The following EBF4 variants were observed in gnomAD, a reference collection of about 807,000 sequenced individuals.
EBF4 encodes the protein EBF transcription factor 4.
A neutral mutation model predicts 67.1 loss-of-function variants in EBF4; 34 were observed. The observed-to-expected ratio is 0.51, with a 90% CI of 0.39 to 0.67. The LOEUF (loss-of-function observed/expected upper bound fraction) is 0.67. EBF4 is among the 30% of genes least tolerant of loss of function. The pLI, the probability that EBF4 is intolerant of heterozygous loss-of-function variation, is 0.00. For synonymous variants in EBF4, 387 were observed against 377.7 expected (o/e 1.02, Z -0.29); for missense variants, 837 against 873.3 (o/e 0.96, Z 0.52).
In EBF4 at chr20:2,755,883, G is replaced by A; in HGVS notation, c.1738+59G>A. ...AGGAAGGGCCCTTGTGGAGCAGCTG[G>A]GCTACAGGGGCCTGCTCTGTCCACA... On this transcript the variant is annotated intron_variant, in intron 15 of 16. Coordinates refer to ENST00000609451, the Ensembl canonical transcript of EBF4. This position sits in a 1 kb window ranked among gnomAD's most constrained non-coding sequence, Gnocchi z 4.7. 1 of 1,468,180 alleles carries A rather than the reference G, an allele frequency of 6.8e-7. No individual in the cohort carries two copies. Among genetic ancestry groups the A allele is most frequent in the Non-Finnish European group, 9.2e-7 (1 of 1,092,116 alleles). 90.9% of individuals were successfully genotyped at this position (1,468,180 alleles called of 1,614,324 possible).
At chr20:2,749,964 G>A (rs2088116365) in exon 10 of EBF4, 1 of 1,550,456 alleles carries the variant, frequency 6.4e-7, no homozygotes, top group Admixed American at 2.0e-5. Flanking sequence ...CGGCCGCTTT[G>A]TCTACACAGG....
chr20:2,710,300 C>T (rs1369194863), intron 6 of EBF4, among the ~76,000 whole-genome samples: 1 of 152,032 alleles, frequency 6.6e-6, no homozygotes, highest in Non-Finnish European at 1.5e-5. Context: ...AAGGACACGC[C>T]TCCACACCTG....
At position 2,693,969 on chromosome 20, in the gene EBF4, CG is replaced by C. The variant is rs1406151978; in HGVS notation, c.137+191del. The stretch of plus-strand genomic sequence containing the variant: ...CCTGAGGCTGTGGGGCGGGCTGGGG[CG>C]GGGCTTCTGCCTCCACTCCGGGCTG... On this transcript the variant is annotated intron_variant, in intron 1 of 16. Transcript: ENST00000609451. The surrounding 1 kb of genome is among the most constrained non-coding windows in gnomAD (Gnocchi z 4.6). 6.6e-6 allele frequency among the ~76,000 whole-genome samples: 1 copy of C among 152,178 alleles called. No individual in the cohort carries two copies. The highest frequency in any genetic ancestry group is 1.5e-5 in the Non-Finnish European group (1 of 68,018).
chr20:2,696,454 A>G lies in EBF4; in HGVS notation c.137+2672A>G, dbSNP rs2146358808. Among the ~76,000 whole-genome samples the G allele has an allele frequency of 6.6e-6, 1 of 152,320 alleles. No homozygotes were observed. Among genetic ancestry groups the G allele is most frequent in the East Asian group, 1.9e-4 (1 of 5,190 alleles). On this transcript the variant is annotated intron_variant, in intron 1 of 16. Coordinates refer to ENST00000609451, the Ensembl canonical transcript of EBF4. The surrounding 1 kb of genome is among the most constrained non-coding windows in gnomAD (Gnocchi z 4.7). ...ACCACTGTACTCCAGCCTGGGCGGC[A>G]GAGTGAAACTGTGCCTCAAAAATAA... is the stretch of plus-strand genomic sequence containing the variant.
chr20:2,699,767 G>A (rs1023362648), intron 1 of EBF4, among the ~76,000 whole-genome samples: 4 of 152,202 alleles, frequency 2.6e-5, no homozygotes, highest in African/African-American at 9.6e-5. Flanking sequence ...AATTATGGGT[G>A]CCAGCAGTAC....
chr20:2,738,348 C>A (rs2146467082), intron 6 of EBF4, among the ~76,000 whole-genome samples: 1 of 152,308 alleles, frequency 6.6e-6, no homozygotes, highest in African/African-American at 2.4e-5. Context: ...CCTTCCAGCT[C>A]TGTGGCTTCT....
chr20:2,751,857 C>T lies in EBF4; in HGVS notation c.1108-65C>T, dbSNP rs2088151912. On this transcript the variant is annotated intron_variant, in intron 11 of 16. Coordinates refer to ENST00000609451, the Ensembl canonical transcript of EBF4. The surrounding 1 kb of genome is among the most constrained non-coding windows in gnomAD (Gnocchi z 5.2). Reference sequence around the variant, plus strand: ...GGGCAAGGGGGTGAGGAGGGGCTCCCGAGGGCCCCTTGGTCGCCCCCAGGG... The same window carrying T: ...GGGCAAGGGGGTGAGGAGGGGCTCCTGAGGGCCCCTTGGTCGCCCCCAGGG... The T allele has an allele frequency of 1.5e-5, 23 of 1,537,884 alleles. No individual in the cohort carries two copies. The highest frequency in any genetic ancestry group is 2.0e-5 in the Non-Finnish European group (23 of 1,137,128).
At chr20:2,744,492 C>CTTTTTTTTTTTTT (rs35298353) in intron 6 of EBF4, among the ~76,000 whole-genome samples, 12 of 115,890 alleles carry the variant, frequency 1.0e-4, no homozygotes, top group East Asian at 2.4e-4. Context: ...TTTTTCTTTT[C>CTTTTTTTTTTTTT]TTTTTTTTTT....
chr20:2,747,095 C>A lies in EBF4; in HGVS notation c.558-1454C>A, dbSNP rs1018550511. Among the ~76,000 whole-genome samples, 1 of 152,140 alleles carries A rather than the reference C, an allele frequency of 6.6e-6. No individual in the cohort carries two copies. Among genetic ancestry groups the A allele is most frequent in the Admixed American group, 6.5e-5 (1 of 15,276 alleles). On this transcript the variant is annotated intron_variant, in intron 6 of 16. Transcript: ENST00000609451. The surrounding 1 kb of genome is among the most constrained non-coding windows in gnomAD (Gnocchi z 4.6). Reference sequence around the variant, plus strand: ...ATCACCTGAGGTCAGGAATCGAGACCAGCCTGGCCAACATGGCAAAACACC... The same window carrying A: ...ATCACCTGAGGTCAGGAATCGAGACAAGCCTGGCCAACATGGCAAAACACC...
chr20:2,719,336 G>A (rs1448338576), intron 6 of EBF4, among the ~76,000 whole-genome samples: 6 of 152,162 alleles, frequency 3.9e-5, no homozygotes, highest in South Asian at 4.1e-4. Flanking sequence ...GTGCAGTGGC[G>A]CAATCTCGGC....
intron 6 of EBF4, among the ~76,000 whole-genome samples, chr20:2,735,108 G>A (rs964664123): frequency 2.0e-5 from 3 of 152,130 alleles, no homozygotes; most frequent in African/African-American, 7.2e-5. Context: ...TTAAGCAATT[G>A]CCGCTGGCTG....
intron 6 of EBF4, among the ~76,000 whole-genome samples, chr20:2,743,949 T>C (rs1297593725): frequency 6.6e-6 from 1 of 152,218 alleles, no homozygotes; most frequent in Non-Finnish European, 1.5e-5. Context: ...ATCAAGTTTA[T>C]TCCTTCTATC....
Position 2,749,840 on chromosome 20 carries a change from CT to C in EBF4, c.892-6del. The C allele has an allele frequency of 6.5e-7, 1 of 1,548,250 alleles. No individual in the cohort carries two copies. Among genetic ancestry groups the C allele is most frequent in the Non-Finnish European group, 8.7e-7 (1 of 1,145,184 alleles). On this transcript the variant is annotated splice_region_variant and splice_polypyrimidine_tract_variant and intron_variant, in intron 9 of 16. Transcript: ENST00000609451. Reference sequence around the variant, plus strand: ...GGGACCTGCAGGCCTCCCCTCTCCCCTCGCAGCTCATCACGCCCCACGCCAT... The same window carrying C: ...GGGACCTGCAGGCCTCCCCTCTCCCCCGCAGCTCATCACGCCCCACGCCAT...
Position 2,705,984 on chromosome 20 carries a change from C to T in EBF4, c.305C>T (p.Ala102Val), listed in dbSNP as rs760026059. The T allele has an allele frequency of 1.4e-5, 22 of 1,551,226 alleles. No homozygotes were observed. The highest frequency in any genetic ancestry group is 6.0e-5 in the South Asian group (5 of 84,002). Residue 102 changes from alanine (A) to valine (V), a missense_variant, in exon 3 of 17, where the codon GCG becomes GTG. Ala to Val is a moderately conservative substitution (Grantham distance 64). Transcript: ENST00000609451. ...ATCTTGTCCCTGCAGGAGCCCGGGG[C>T]GGAAAAGACTAACAATGGGATCCAT...
In EBF4 at chr20:2,747,435, G is replaced by A. The variant is rs2088068188; in HGVS notation, c.558-1114G>A. ...TCCCAGCCAACTGCCAGGAAGGAGA[G>A]GAGGACAAAGTGCTCATGTGTTTGT... On this transcript the variant is annotated intron_variant, in intron 6 of 16. Transcript: ENST00000609451. This position sits in a 1 kb window ranked among gnomAD's most constrained non-coding sequence, Gnocchi z 4.6. Among the ~76,000 whole-genome samples the A allele has an allele frequency of 6.6e-6, 1 of 152,136 alleles. No homozygotes were observed. Among genetic ancestry groups the A allele is most frequent in the Admixed American group, 6.5e-5 (1 of 15,282 alleles).
Position 2,745,392 on chromosome 20 carries a change from A to T in EBF4, c.558-3157A>T, listed in dbSNP as rs1030188801. 6.6e-6 allele frequency among the ~76,000 whole-genome samples: 1 copy of T among 152,202 alleles called. No homozygotes were observed. The highest frequency in any genetic ancestry group is 6.5e-5 in the Admixed American group (1 of 15,286). ...TGACCCTCAGCCCCCACTGCAGGCC[A>T]TGGTCTTGTGCAGCTGCTTTTACTC... On this transcript the variant is annotated intron_variant, in intron 6 of 16. Coordinates refer to ENST00000609451, the Ensembl canonical transcript of EBF4. The surrounding 1 kb of genome is among the most constrained non-coding windows in gnomAD (Gnocchi z 5.2).
At chr20:2,752,322 G>T (rs1600245118) in intron 13 of EBF4, 35 bp from the exon 14 acceptor site, 1 of 1,199,326 alleles carries the variant, frequency 8.3e-7, no homozygotes, top group Non-Finnish European at 1.0e-6. Flanking sequence ...TCCCCGGCCG[G>T]CACCGCCCCC....
chr20:2,706,781 A>G (rs2087465096), intron 4 of EBF4, among the ~76,000 whole-genome samples: 1 of 152,204 alleles, frequency 6.6e-6, no homozygotes, highest in Admixed American at 6.5e-5. Flanking sequence ...CTCAGGAGGA[A>G]GCCCTCTGCA....
In EBF4 at chr20:2,757,029, T is replaced by C. The variant is rs112014700; in HGVS notation, c.1738+1205T>C. The stretch of plus-strand genomic sequence containing the variant: ...GGTTTCCTCAGCCTGATGTAGGGGC[T>C]GATCAGGCTGGGATGCCTATCACAA... On this transcript the variant is annotated intron_variant, in intron 15 of 16. Transcript: ENST00000609451. 4.4e-3 allele frequency among the ~76,000 whole-genome samples: 665 copies of C among 152,346 alleles called. 6 individuals are homozygous for C. Among genetic ancestry groups the C allele is most frequent in the South Asian group, 0.03 (145 of 4,830 alleles).
Sources: gnomAD v4.1 joint callset for allele counts (sites outside exome capture counted in the v4.1 genomes callset) on GRCh38, gnomAD v4.1.1 for gene constraint, Gnocchi (gnomAD v3.1) non-coding constraint, MANE v1.5 for transcripts, NCBI Gene and HGNC (gene_info 2026-07-23, HGNC 2026-07-21) for gene names.